The following GALK2 variants were observed in gnomAD, a reference collection of about 807,000 sequenced individuals.
The protein encoded by GALK2 is galactokinase 2, also known as N-acetylgalactosamine kinase.
A neutral mutation model predicts 52.4 loss-of-function variants in GALK2; 36 were observed. The ratio of observed to expected loss-of-function variants is 0.69; its 90% confidence interval spans 0.53 to 0.91. GALK2 has a LOEUF of 0.91. Among genes scored for constraint, GALK2 ranks in the 40% least tolerant of loss-of-function variants. The pLI is 0.00. For synonymous variants in GALK2, 176 were observed against 199.1 expected (o/e 0.88, Z 0.98); for missense variants, 579 against 559.1 (o/e 1.04, Z -0.36).
At chr15:49,208,471 CT>C (rs2088514980) in intron 2 of GALK2, among the ~76,000 whole-genome samples, 1 of 152,066 alleles carries the variant, frequency 6.6e-6, no homozygotes, top group South Asian at 2.1e-4. Context: ...TTGAAGGTTC[CT>C]TTTATAGTTG....
At chr15:49,255,704 T>G (rs1002678955) in intron 5 of GALK2, among the ~76,000 whole-genome samples, 6 of 152,128 alleles carry the variant, frequency 3.9e-5, no homozygotes, top group Admixed American at 2.0e-4. Context: ...GTATGTCATA[T>G]GAATTCCCCT....
At chr15:49,164,303 T>C (rs1312529985) in intron 1 of GALK2, among the ~76,000 whole-genome samples, 1 of 151,414 alleles carries the variant, frequency 6.6e-6, no homozygotes, top group East Asian at 1.9e-4. Flanking sequence ...AACCAGTAGA[T>C]GCAGTTATGT....
At chr15:49,159,814 G>C (rs2084588267) in intron 1 of GALK2, among the ~76,000 whole-genome samples, 1 of 152,048 alleles carries the variant, frequency 6.6e-6, no homozygotes, top group African/African-American at 2.4e-5. Flanking sequence ...ATAGTATAGT[G>C]GACATGTATA....
rs2037997109 is a variant in GALK2 at position 49,328,788 on chromosome 15, T to G, written c.*629T>G. ...AGAGACTAAGGATTTTTTTTTTTTT[T>G]TGACAAAAGGAGGATACAGGAAGAA... is the stretch of plus-strand genomic sequence containing the variant. On this transcript the variant is annotated 3_prime_UTR_variant, in exon 10 of 10. Coordinates refer to ENST00000560031, the MANE Select transcript of GALK2 (RefSeq NM_002044.4). 1 of 1,349,626 alleles carries G rather than the reference T, an allele frequency of 7.4e-7. No individual in the cohort carries two copies. Among genetic ancestry groups the G allele is most frequent in the South Asian group, 1.7e-5 (1 of 58,212 alleles). 83.6% of individuals were successfully genotyped at this position (1,349,626 alleles called of 1,614,324 possible).
upstream of GALK2, among the ~76,000 whole-genome samples, chr15:49,169,454 C>T (rs77972724): frequency 6.6e-6 from 1 of 152,212 alleles, no homozygotes; most frequent in African/African-American, 2.4e-5. Flanking sequence ...TTCAGTTTAT[C>T]TTACCTATTC....
intron 3 of GALK2, among the ~76,000 whole-genome samples, chr15:49,355,759 G>A (rs1332595609): frequency 6.6e-6 from 1 of 151,628 alleles, no homozygotes; most frequent in East Asian, 1.9e-4. Context: ...GATACTCCTC[G>A]AGAAGAGCAA....
intron 3 of GALK2, among the ~76,000 whole-genome samples, chr15:49,230,435 C>T (rs2141453943): frequency 6.6e-6 from 1 of 152,312 alleles, no homozygotes; most frequent in Non-Finnish European, 1.5e-5. Flanking sequence ...GCTGAGCAGG[C>T]TGCCCTGATT....
Position 49,283,570 on chromosome 15 carries a change from A to G in GALK2, c.608A>G (p.Lys203Arg). ...CTTTCATTTTTCTTCTAACAGGCCAAGTTGATAGAATTTAGTCCTCTGAGG... is the reference window on the plus strand; with the variant it reads ...CTTTCATTTTTCTTCTAACAGGCCAGGTTGATAGAATTTAGTCCTCTGAGG... ...ISFLAEEGTA[K>R]LIEFSPLRAT... The change falls in exon 7 of 10, where the codon AAG becomes AGG. Residue 203 changes from lysine (K) to arginine (R), a missense_variant. Physicochemically the swap from Lys to Arg is conservative, Grantham distance 26. Coordinates refer to ENST00000560031, the MANE Select transcript of GALK2 (RefSeq NM_002044.4). 1 of 1,610,172 alleles carries G rather than the reference A, an allele frequency of 6.2e-7. No individual in the cohort carries two copies. Among genetic ancestry groups the G allele is most frequent in the Non-Finnish European group, 8.5e-7 (1 of 1,178,114 alleles).
chr15:49,274,873 G>A (rs977914982), intron 5 of GALK2, among the ~76,000 whole-genome samples: 5 of 152,144 alleles, frequency 3.3e-5, no homozygotes, highest in Admixed American at 3.3e-4. Context: ...AAGGTCTTCA[G>A]GGGCAATAAC....
In GALK2 at chr15:49,170,319, A is replaced by G; in HGVS notation, c.-4A>G. On this transcript the variant is annotated 5_prime_UTR_variant, in exon 1 of 10. Transcript: ENST00000560031. ...CTACAGGAGAAAGAAGGATCTAGCG[A>G]AATATGGCTACAGAGAGCCCTGCTA... 1 of 1,584,260 alleles carries G rather than the reference A, an allele frequency of 6.3e-7. No homozygotes were observed. The highest frequency in any genetic ancestry group is 8.6e-7 in the Non-Finnish European group (1 of 1,165,126).
chr15:49,210,707 T>C (rs540192255), intron 2 of GALK2, among the ~76,000 whole-genome samples: 1 of 152,156 alleles, frequency 6.6e-6, no homozygotes, highest in South Asian at 2.1e-4. Context: ...TCCCAGAGTG[T>C]TAGGATTACA....
At chr15:49,294,599 C>T (rs1385183825) in intron 8 of GALK2, among the ~76,000 whole-genome samples, 2 of 152,140 alleles carry the variant, frequency 1.3e-5, no homozygotes, top group African/African-American at 4.8e-5. Context: ...ATTTCTTTAA[C>T]AAATCGTATT....
chr15:49,283,770 A>G (rs762447075), intron 7 of GALK2, 52 bp downstream of exon 7: 1 of 1,581,552 alleles, frequency 6.3e-7, no homozygotes, highest in African/African-American at 1.4e-5. Flanking sequence ...TCTTGTCTTT[A>G]TTTTCATTGT....
intron 3 of GALK2, among the ~76,000 whole-genome samples, chr15:49,346,489 G>C (rs142370833): frequency 6.6e-6 from 1 of 152,246 alleles, no homozygotes; most frequent in African/African-American, 2.4e-5. Context: ...AGATGTGAGA[G>C]CTGTTCTCCT....
At chr15:49,364,780 T>C (rs1022801095) in intron 3 of GALK2, among the ~76,000 whole-genome samples, 2 of 152,114 alleles carry the variant, frequency 1.3e-5, no homozygotes, top group African/African-American at 4.8e-5. Flanking sequence ...CTCACTTTGA[T>C]AGTAATACTT....
intron 3 of GALK2, among the ~76,000 whole-genome samples, chr15:49,351,152 A>G (rs1262398134): frequency 1.3e-5 from 2 of 152,022 alleles, no homozygotes; most frequent in Non-Finnish European, 2.9e-5. Context: ...CACTTATTTG[A>G]ATTCAGGTAG....
intron 3 of GALK2, among the ~76,000 whole-genome samples, chr15:49,339,719 C>A (rs1299984716): frequency 1.3e-5 from 2 of 152,164 alleles, no homozygotes; most frequent in Non-Finnish European, 2.9e-5. Flanking sequence ...TGAAGCTGTG[C>A]CTACAACCGC....
At chr15:49,339,924 A>T (rs2151212636) in intron 3 of GALK2, among the ~76,000 whole-genome samples, 1 of 152,256 alleles carries the variant, frequency 6.6e-6, no homozygotes, top group Middle Eastern at 3.4e-3. Context: ...CTGTGCGGGT[A>T]AAACTGCCTA....
At chr15:49,335,932 G>T (rs2039632216), downstream of GALK2, among the ~76,000 whole-genome samples, 1 of 152,188 alleles carries the variant, frequency 6.6e-6, no homozygotes, top group East Asian at 1.9e-4. Flanking sequence ...AGTTCACTGT[G>T]ACCTCAAACT....
Sources: allele counts gnomAD v4.1 joint callset (sites outside exome capture counted in the v4.1 genomes callset), GRCh38; gene constraint gnomAD v4.1.1; transcripts MANE v1.5; gene names NCBI Gene and HGNC (gene_info 2026-07-23, HGNC 2026-07-21).